Variants in VDAC1 observed in about 807,000 individuals in gnomAD.
The protein encoded by VDAC1 is voltage dependent anion channel 1.
In VDAC1, 10 loss-of-function variants were observed where a neutral mutation model predicts 34.7. The observed-to-expected ratio is 0.29, with a 90% CI of 0.18 to 0.49. The LOEUF is 0.49. Among genes scored for constraint, VDAC1 ranks in the 20% least tolerant of loss-of-function variants. The pLI is 0.99. For missense variants in VDAC1, 230 were observed against 347.9 expected (o/e 0.66, Z 2.69); for synonymous variants, 130 against 136.0 (o/e 0.96, Z 0.30).
chr5:133,985,608 C>T (rs11957499), intron 5 of VDAC1, among the ~76,000 whole-genome samples: 22,800 of 152,148 alleles, frequency 0.15, 1,881 homozygotes, highest in East Asian at 0.32. Context: ...GAGCTGAAAT[C>T]ACATCACTGC....
At chr5:134,052,786 G>A in the VDAC1 span, among the ~76,000 whole-genome samples, 1 of 152,120 alleles carries the variant, frequency 6.6e-6, no homozygotes, top group Non-Finnish European at 1.5e-5. Context: ...ATGCTGTGGG[G>A]AGCTACTGTT....
intron 1 of VDAC1, among the ~76,000 whole-genome samples, chr5:133,997,416 G>C (rs1753356011): frequency 6.6e-6 from 1 of 152,068 alleles, no homozygotes; most frequent in Admixed American, 6.6e-5. Flanking sequence ...TAATCAAAAA[G>C]AATAAGGTGG....
At chr5:133,992,823 T>A in intron 2 of VDAC1, 123 bp downstream of exon 2, 1 of 926,192 alleles carries the variant, frequency 1.1e-6, no homozygotes, top group South Asian at 1.9e-5. Flanking sequence ...AGCTTCTTTT[T>A]TCCCTCACGT....
chr5:134,030,662 G>A, the VDAC1 span, among the ~76,000 whole-genome samples: 20 of 150,872 alleles, frequency 1.3e-4, no homozygotes, highest in African/African-American at 4.9e-4. Flanking sequence ...GGAGTCCAGT[G>A]GTGACAGCGA....
At chr5:134,027,408 G>A in the VDAC1 span, among the ~76,000 whole-genome samples, 1 of 152,190 alleles carries the variant, frequency 6.6e-6, no homozygotes, top group Non-Finnish European at 1.5e-5. Flanking sequence ...GGGCCCTGGA[G>A]AGAACATGGG....
At chr5:134,069,841 T>C in the VDAC1 span, among the ~76,000 whole-genome samples, 1 of 152,074 alleles carries the variant, frequency 6.6e-6, no homozygotes, top group Non-Finnish European at 1.5e-5. Context: ...CGGGACAAGA[T>C]ACAGGTCATT....
At chr5:134,044,586 T>C in the VDAC1 span, among the ~76,000 whole-genome samples, 1 of 152,194 alleles carries the variant, frequency 6.6e-6, no homozygotes, top group African/African-American at 2.4e-5. Context: ...TGTGTCTGTG[T>C]GCACATACCC....
chr5:134,065,826 C>T, the VDAC1 span, among the ~76,000 whole-genome samples: 65 of 113,100 alleles, frequency 5.7e-4, no homozygotes, highest in Non-Finnish European at 9.9e-4. Context: ...CGGGGTTTCA[C>T]TCTTTTGCCC....
intron 7 of VDAC1, among the ~76,000 whole-genome samples, chr5:133,975,586 G>A (rs927247575): frequency 2.0e-5 from 3 of 151,412 alleles, no homozygotes; most frequent in African/African-American, 7.3e-5. Context: ...TCAGCCTCTC[G>A]AGTAGCTGGG....
chr5:134,034,332 A>C, the VDAC1 span, among the ~76,000 whole-genome samples: 2 of 152,214 alleles, frequency 1.3e-5, no homozygotes, highest in African/African-American at 2.4e-5. Flanking sequence ...GAGCCTGTGA[A>C]TGTGACCTTC....
chr5:134,033,705 AAT>A, the VDAC1 span, among the ~76,000 whole-genome samples: 1 of 151,442 alleles, frequency 6.6e-6, no homozygotes, highest in African/African-American at 2.4e-5. Flanking sequence ...AAAGAGTCGA[AAT>A]ATAGGCCGGG....
chr5:134,034,745 C>T, the VDAC1 span, among the ~76,000 whole-genome samples: 1 of 151,996 alleles, frequency 6.6e-6, no homozygotes. Context: ...ATAAACATGG[C>T]GGACAGTGAG....
the VDAC1 span, among the ~76,000 whole-genome samples, chr5:134,096,018 C>T: frequency 3.5e-4 from 54 of 152,376 alleles, no homozygotes; most frequent in African/African-American, 1.3e-3. Flanking sequence ...GCTTCAGAAT[C>T]TGAGAACCAA....
chr5:134,099,718 T>C, the VDAC1 span, among the ~76,000 whole-genome samples: 8 of 152,246 alleles, frequency 5.3e-5, no homozygotes, highest in Admixed American at 2.6e-4. Context: ...GTAGCTGGAC[T>C]ACAGGCGCAT....
chr5:134,071,911 A>G, the VDAC1 span, among the ~76,000 whole-genome samples: 1 of 151,984 alleles, frequency 6.6e-6, no homozygotes, highest in African/African-American at 2.4e-5. This position sits in a 1 kb window ranked among gnomAD's most constrained non-coding sequence, Gnocchi z 4.1. Flanking sequence ...CTCTCTGTAC[A>G]TGCTCCTCTG....
chr5:134,005,404 C>T (rs1320294813), upstream of VDAC1: 1 of 152,236 alleles, frequency 6.6e-6, no homozygotes, highest in Non-Finnish European at 1.5e-5. Context: ...CTGGCGCCTC[C>T]GACCCGCCCG....
At chr5:134,074,294 G>C in the VDAC1 span, among the ~76,000 whole-genome samples, 1 of 146,780 alleles carries the variant, frequency 6.8e-6, no homozygotes, top group Non-Finnish European at 1.5e-5. Context: ...CACAGAGCCA[G>C]ACTCCATCTC....
At chr5:134,049,192 G>A in the VDAC1 span, among the ~76,000 whole-genome samples, 1 of 152,158 alleles carries the variant, frequency 6.6e-6, no homozygotes, top group African/African-American at 2.4e-5. Context: ...ATGTATCACT[G>A]ACTCCCTGTG....
the VDAC1 span, among the ~76,000 whole-genome samples, chr5:134,018,331 C>T: frequency 3.9e-5 from 6 of 152,184 alleles, no homozygotes; most frequent in Non-Finnish European, 7.3e-5. Flanking sequence ...TCACTCATTA[C>T]CTTGCGGAGG....
Sources: gnomAD v4.1 joint callset for allele counts (sites outside exome capture counted in the v4.1 genomes callset) on GRCh38, gnomAD v4.1.1 for gene constraint, Gnocchi (gnomAD v3.1) non-coding constraint, MANE v1.5 for transcripts, NCBI Gene and HGNC (gene_info 2026-07-23, HGNC 2026-07-21) for gene names.